Variants in EYS observed in about 807,000 individuals in gnomAD.
EYS encodes protein eyes shut homolog.
In EYS, 250 loss-of-function variants were observed where a neutral mutation model predicts 282.1. That is an observed-to-expected ratio of 0.89 (90% CI 0.80 to 0.98). The LOEUF is 0.98. Among genes scored for constraint, EYS ranks in the 50% least tolerant of loss-of-function variants. EYS has a pLI of 0.00. For synonymous variants in EYS, 1,355 were observed against 1,282.9 expected (o/e 1.06, Z -1.20); for missense variants, 4,016 against 3,709.0 (o/e 1.08, Z -2.15).
At chr6:65,303,032 T>C (rs1562083741) in intron 11 of EYS, 1 of 1,425,284 alleles carries the variant, frequency 7.0e-7, no homozygotes, top group South Asian at 1.1e-5. Context: ...TGATCAGTTT[T>C]CTGAGGAAGG....
At chr6:64,659,303 C>A (rs1323039944) in intron 22 of EYS, among the ~76,000 whole-genome samples, 5 of 152,098 alleles carry the variant, frequency 3.3e-5, no homozygotes, top group Non-Finnish European at 5.9e-5. Flanking sequence ...AAAATTGACA[C>A]CCTAACATCA....
chr6:64,577,495 C>T (rs188338823), intron 26 of EYS, among the ~76,000 whole-genome samples: 10 of 149,862 alleles, frequency 6.7e-5, no homozygotes, highest in Non-Finnish European at 1.5e-4. Flanking sequence ...CCTACACACA[C>T]ACACTCACAC....
At chr6:65,371,254 T>C (rs1480983748) in intron 8 of EYS, among the ~76,000 whole-genome samples, 1 of 151,808 alleles carries the variant, frequency 6.6e-6, no homozygotes, top group Non-Finnish European at 1.5e-5. Flanking sequence ...AATCTATAGA[T>C]AATGTAAAGT....
intron 13 of EYS, among the ~76,000 whole-genome samples, chr6:64,998,631 A>AT (rs1307086972): frequency 2.0e-5 from 3 of 152,156 alleles, no homozygotes; most frequent in African/African-American, 7.2e-5. Flanking sequence ...CTTAGACAGG[A>AT]TTTTACTTCT....
At chr6:64,716,822 T>C (rs938151607) in intron 22 of EYS, among the ~76,000 whole-genome samples, 1 of 152,210 alleles carries the variant, frequency 6.6e-6, no homozygotes, top group African/African-American at 2.4e-5. Context: ...GGTTGCTTGG[T>C]CTCCAACTGG....
rs536810690 is a variant in EYS at position 64,945,545 on chromosome 6, T to C, written c.2381+248A>G. Among the ~76,000 whole-genome samples, 5 of 152,194 alleles carry C rather than the reference T, an allele frequency of 3.3e-5. No individual in the cohort carries two copies. In the South Asian group the frequency reaches 1.0e-3, roughly 32 times the overall value. On this transcript the variant is annotated intron_variant, in intron 15 of 42. Coordinates refer to ENST00000503581, the MANE Select transcript of EYS (RefSeq NM_001142800.2). ...ACATGTTTTGAAGAAGTAAATGCAT[T>C]TGTATCATTACCATATTGGAACATT...
At chr6:63,822,884 C>T (rs2149686494) in intron 36 of EYS, among the ~76,000 whole-genome samples, 1 of 152,242 alleles carries the variant, frequency 6.6e-6, no homozygotes, top group East Asian at 1.9e-4. Flanking sequence ...TGGTTTCAAA[C>T]TAGGCTTTAT....
intron 32 of EYS, among the ~76,000 whole-genome samples, 191 bp downstream of exon 32, chr6:64,081,665 C>T (rs1366187990): frequency 2.0e-5 from 3 of 152,154 alleles, no homozygotes; most frequent in Admixed American, 6.6e-5. Flanking sequence ...TTGTAAGTCA[C>T]GTTCCATTGA....
intron 1 of EYS, among the ~76,000 whole-genome samples, chr6:65,679,814 T>C (rs1768753374): frequency 6.6e-6 from 1 of 151,918 alleles, no homozygotes; most frequent in African/African-American, 2.4e-5. Flanking sequence ...TTTGAGATCA[T>C]GTTGTAATCT....
chr6:64,590,529 A>C lies in EYS; in HGVS notation c.5338T>G (p.Ser1780Ala), dbSNP rs1766370878. Reference sequence around the variant, plus strand: ...GTGACTTCTGAAAAATCAGGCACTGAGCCTGTCAATGGTGGCAGATTATTT... The same window carrying C: ...GTGACTTCTGAAAAATCAGGCACTGCGCCTGTCAATGGTGGCAGATTATTT... ...FKNNLPPLTG[S>A]VPDFSEVTTN... The change falls in exon 26 of 43, where the codon TCA becomes GCA. Residue 1780 changes from serine (S) to alanine (A), a missense_variant. By Grantham distance (99) the Ser-to-Ala change is moderately conservative. Coordinates refer to ENST00000503581, the MANE Select transcript of EYS (RefSeq NM_001142800.2). 1 of 1,551,280 alleles carries C rather than the reference A, an allele frequency of 6.4e-7. No homozygotes were observed. Among genetic ancestry groups the C allele is most frequent in the South Asian group, 1.2e-5 (1 of 84,068 alleles).
chr6:65,025,436 T>C (rs990747473), intron 13 of EYS, among the ~76,000 whole-genome samples: 3 of 152,232 alleles, frequency 2.0e-5, no homozygotes, highest in African/African-American at 7.2e-5. Context: ...ATGCTAAATG[T>C]TTAACTCTGT....
At chr6:65,159,596 T>C (rs1163164997) in intron 12 of EYS, among the ~76,000 whole-genome samples, 1 of 150,788 alleles carries the variant, frequency 6.6e-6, no homozygotes, top group Non-Finnish European at 1.5e-5. Flanking sequence ...AAGCTTTTCC[T>C]GAGTTTTCCC....
chr6:65,555,368 T>C (rs1445202802), intron 2 of EYS, among the ~76,000 whole-genome samples: 2 of 152,106 alleles, frequency 1.3e-5, no homozygotes, highest in Non-Finnish European at 2.9e-5. Context: ...TAGAGTTTTA[T>C]TTCTTCTCTT....
intron 8 of EYS, among the ~76,000 whole-genome samples, chr6:65,365,066 G>A (rs1010800625): frequency 1.3e-5 from 2 of 151,580 alleles, no homozygotes; most frequent in African/African-American, 4.8e-5. Flanking sequence ...ACTCTGAAGA[G>A]CAGCTGGAAA....
chr6:64,140,540 T>C (rs1026301048), intron 31 of EYS, among the ~76,000 whole-genome samples: 1 of 152,128 alleles, frequency 6.6e-6, no homozygotes, highest in Non-Finnish European at 1.5e-5. Flanking sequence ...ACCATCTGAG[T>C]TCAGCCAATG....
intron 41 of EYS, among the ~76,000 whole-genome samples, chr6:63,727,743 T>C (rs1391954054): frequency 1.4e-5 from 1 of 71,818 alleles, no homozygotes; most frequent in Non-Finnish European, 2.4e-5. Flanking sequence ...AAAAAATATA[T>C]ATATATATGT....
chr6:65,328,970 C>T (rs1431753373), intron 11 of EYS, among the ~76,000 whole-genome samples: 1 of 151,070 alleles, frequency 6.6e-6, no homozygotes, highest in East Asian at 1.9e-4. Context: ...GCATAAAAGG[C>T]TGCATGAAAC....
chr6:63,852,182 A>T (rs527966924), intron 36 of EYS, among the ~76,000 whole-genome samples: 175 of 143,140 alleles, frequency 1.2e-3, no homozygotes, highest in African/African-American at 4.3e-3. Flanking sequence ...AAAAAAAAAA[A>T]ATCAATGAAT....
chr6:65,030,602 G>C (rs1273281587), intron 13 of EYS, among the ~76,000 whole-genome samples: 8 of 152,178 alleles, frequency 5.3e-5, no homozygotes, highest in Non-Finnish European at 1.0e-4. Context: ...GAAGCATGTT[G>C]GCTGACAGAT....
Sources: gnomAD v4.1 joint callset for allele counts (sites outside exome capture counted in the v4.1 genomes callset) on GRCh38, gnomAD v4.1.1 for gene constraint, MANE v1.5 for transcripts, NCBI Gene and HGNC (gene_info 2026-07-23, HGNC 2026-07-21) for gene names.